The following RFX4 variants were observed in gnomAD, a reference collection of about 807,000 sequenced individuals.
RFX4 encodes the protein regulatory factor X4.
Under a neutral mutation model 95.0 loss-of-function variants are expected in RFX4, and 10 were observed. The ratio of observed to expected loss-of-function variants is 0.11; its 90% CI spans 0.06 to 0.18. The LOEUF (loss-of-function observed/expected upper bound fraction) is 0.18, where lower values mean the gene tolerates loss of function less well. Among genes scored for constraint, RFX4 ranks in the 10% least tolerant of loss-of-function variants. The pLI is 1.00. For synonymous variants in RFX4, 321 were observed against 340.7 expected (o/e 0.94, Z 0.64); for missense variants, 640 against 922.0 (o/e 0.69, Z 3.96).
chr12:106,682,363 G>C, intron 5 of RFX4: 1 of 413,628 alleles, frequency 2.4e-6, no homozygotes, highest in South Asian at 3.5e-5. Flanking sequence ...GTGGCCTCTT[G>C]GAGGATCACC....
chr12:106,678,008 G>GC (rs1472200430), intron 4 of RFX4, among the ~76,000 whole-genome samples: 5 of 152,152 alleles, frequency 3.3e-5, no homozygotes, highest in African/African-American at 1.2e-4. Flanking sequence ...TGCATGTATT[G>GC]ATCTATACAT....
chr12:106,638,060 T>G (rs917215729), intron 2 of RFX4, among the ~76,000 whole-genome samples: 2 of 151,668 alleles, frequency 1.3e-5, no homozygotes, highest in Non-Finnish European at 2.9e-5. Flanking sequence ...CAGACTAGAG[T>G]GCAGTGCTGT....
intron 1 of RFX4, among the ~76,000 whole-genome samples, chr12:106,584,442 C>T (rs867546754): frequency 5.3e-4 from 80 of 152,122 alleles, no homozygotes; most frequent in African/African-American, 1.7e-3. Context: ...CAGCCTGGGC[C>T]GTGGCGAGGT....
intron 4 of RFX4, among the ~76,000 whole-genome samples, chr12:106,670,138 C>A (rs886504980): frequency 2.6e-5 from 4 of 152,256 alleles, no homozygotes; most frequent in African/African-American, 9.6e-5. Flanking sequence ...TTTATTATAG[C>A]AATATTTCAT....
chr12:106,723,215 C>T (rs1045833887), intron 13 of RFX4, among the ~76,000 whole-genome samples: 8 of 152,186 alleles, frequency 5.3e-5, no homozygotes, highest in African/African-American at 1.9e-4. Context: ...ACTAAAGTAG[C>T]CAGACTTTCT....
chr12:106,723,528 TG>T (rs1044504896), intron 13 of RFX4, among the ~76,000 whole-genome samples: 6 of 152,190 alleles, frequency 3.9e-5, no homozygotes, highest in Non-Finnish European at 8.8e-5. Context: ...GCAGCCTGGG[TG>T]TGACAGCTGA....
At chr12:106,692,803 C>A (rs2041809329) in intron 7 of RFX4, among the ~76,000 whole-genome samples, 1 of 152,196 alleles carries the variant, frequency 6.6e-6, no homozygotes, top group African/African-American at 2.4e-5. Context: ...CGATGCCAAG[C>A]ATTTTACATA....
In RFX4 at chr12:106,686,977, C is replaced by A. The variant is rs1422040513; in HGVS notation, c.471C>A (p.Gly157=). The A allele has an allele frequency of 1.2e-6, 2 of 1,613,650 alleles. No individual in the cohort carries two copies. Among genetic ancestry groups the A allele is most frequent in the African/African-American group, 1.3e-5 (1 of 74,790 alleles). Residue 157 remains glycine, a synonymous_variant, in exon 6 of 18, where the codon GGC becomes GGA. Coordinates refer to ENST00000392842, the MANE Select transcript of RFX4 (RefSeq NM_213594.3). ...KKGAAWVSET[G]KKEVSKQTVA... The stretch of plus-strand genomic sequence containing the variant: ...GAGCTGCCTGGGTGAGTGAGACGGG[C>A]AAGAAAGAAGTGAGCAAACAGACAG...
intron 3 of RFX4, among the ~76,000 whole-genome samples, chr12:106,650,112 G>A (rs2040830465): frequency 6.6e-6 from 1 of 152,142 alleles, no homozygotes; most frequent in South Asian, 2.1e-4. Flanking sequence ...TCCAAAGAAT[G>A]CATTGATCAT....
intron 4 of RFX4, chr12:106,680,703 G>A (rs2041488506): frequency 6.6e-6 from 1 of 152,234 alleles, no homozygotes; most frequent in Non-Finnish European, 1.5e-5. Flanking sequence ...AGGGAAGGGA[G>A]TCTTGGTTAC....
intron 13 of RFX4, among the ~76,000 whole-genome samples, chr12:106,729,539 T>C (rs2042570440): frequency 6.6e-6 from 1 of 152,192 alleles, no homozygotes; most frequent in African/African-American, 2.4e-5. Context: ...AGGGTTCAAG[T>C]CTTGGTTCTG....
intron 17 of RFX4, 52 bp downstream of exon 17, chr12:106,750,845 A>T: frequency 6.8e-7 from 1 of 1,471,088 alleles, no homozygotes; most frequent in South Asian, 1.6e-5. Flanking sequence ...CTTGGTGCCA[A>T]ATCTGGTTAA....
At chr12:106,634,292 C>T (rs2040471108) in intron 2 of RFX4, among the ~76,000 whole-genome samples, 1 of 152,130 alleles carries the variant, frequency 6.6e-6, no homozygotes, top group Non-Finnish European at 1.5e-5. Flanking sequence ...TGTGTGTTTG[C>T]CTTGTGAGGT....
intron 3 of RFX4, among the ~76,000 whole-genome samples, chr12:106,644,051 G>A (rs998966160): frequency 6.6e-6 from 1 of 152,128 alleles, no homozygotes; most frequent in Non-Finnish European, 1.5e-5. Context: ...AAAGCATGCA[G>A]ATGTATCACA....
intron 9 of RFX4, among the ~76,000 whole-genome samples, chr12:106,710,248 G>A (rs965614125): frequency 6.6e-6 from 1 of 152,126 alleles, no homozygotes; most frequent in Non-Finnish European, 1.5e-5. Flanking sequence ...AAATGAAGGC[G>A]ATCAAATTAC....
chr12:106,675,532 T>C (rs1047020562), intron 4 of RFX4, among the ~76,000 whole-genome samples: 8 of 152,198 alleles, frequency 5.3e-5, no homozygotes, highest in African/African-American at 1.9e-4. Context: ...GTAATGAATA[T>C]GTTAATTAAC....
At chr12:106,597,515 C>T (rs1025466581) in intron 1 of RFX4, among the ~76,000 whole-genome samples, 2 of 152,166 alleles carry the variant, frequency 1.3e-5, no homozygotes, top group Non-Finnish European at 2.9e-5. Flanking sequence ...CCTGATGTGC[C>T]TTATTAACTC....
At chr12:106,599,958 T>G (rs1285906689) in intron 1 of RFX4, among the ~76,000 whole-genome samples, 3 of 152,158 alleles carry the variant, frequency 2.0e-5, no homozygotes, top group African/African-American at 7.2e-5. Context: ...AAAATATGTT[T>G]AGCAGCACCA....
chr12:106,672,820 G>A (rs1460682913), intron 4 of RFX4, among the ~76,000 whole-genome samples: 1 of 151,100 alleles, frequency 6.6e-6, no homozygotes, highest in Non-Finnish European at 1.5e-5. Flanking sequence ...GCAGCTGCAA[G>A]GAGGAGGTGC....
Sources: gnomAD v4.1 joint callset for allele counts (sites outside exome capture counted in the v4.1 genomes callset) on GRCh38, gnomAD v4.1.1 for gene constraint, MANE v1.5 for transcripts, NCBI Gene and HGNC (gene_info 2026-07-23, HGNC 2026-07-21) for gene names.